Variants in ARFGEF1 observed in about 807,000 individuals in gnomAD.
The protein encoded by ARFGEF1 is brefeldin A-inhibited guanine nucleotide-exchange protein 1.
A neutral mutation model predicts 231.0 loss-of-function variants in ARFGEF1; 42 were observed. The ratio of observed to expected loss-of-function variants is 0.18; its 90% CI spans 0.14 to 0.24. The LOEUF is 0.24. Among genes scored for constraint, ARFGEF1 ranks in the 10% least tolerant of loss-of-function variants. The probability of loss-of-function intolerance (pLI) is 1.00; values close to 1 mark genes in which losing one functional copy is unlikely to be tolerated. For missense variants in ARFGEF1, 1,345 were observed against 2,192.0 expected (o/e 0.61, Z 7.72); for synonymous variants, 710 against 732.3 (o/e 0.97, Z 0.49).
chr8:67,190,514 A>G, intron 5 of ARFGEF1: 1 of 641,034 alleles, frequency 1.6e-6, no homozygotes, highest in Non-Finnish European at 2.8e-6. Context: ...AAATCACCGA[A>G]CTGTGTATGT....
At chr8:67,320,820 G>A (rs372268256) in intron 1 of ARFGEF1, among the ~76,000 whole-genome samples, 73 of 152,248 alleles carry the variant, frequency 4.8e-4, no homozygotes, top group African/African-American at 1.6e-3. Context: ...AAATTAGCCA[G>A]GCGTGGTGGC....
At chr8:67,243,173 G>A (rs113302695) in intron 19 of ARFGEF1, among the ~76,000 whole-genome samples, 175 of 152,318 alleles carry the variant, frequency 1.1e-3, no homozygotes, top group Non-Finnish European at 2.2e-3. Context: ...GAGTCTGCAA[G>A]TAACCCACCG....
chr8:67,201,107 G>A (rs896745198), intron 37 of ARFGEF1, among the ~76,000 whole-genome samples: 6 of 152,262 alleles, frequency 3.9e-5, no homozygotes, highest in South Asian at 2.1e-4. Context: ...AAAAAGTAAC[G>A]CTAAGAAAAA....
downstream of ARFGEF1, chr8:67,174,084 G>A (rs975459594): frequency 3.9e-5 from 6 of 152,082 alleles, no homozygotes; most frequent in African/African-American, 1.4e-4. Flanking sequence ...GTGTAAAAAA[G>A]ATCTTGAGAC....
At chr8:67,325,034 C>T (rs1369967479) in intron 1 of ARFGEF1, among the ~76,000 whole-genome samples, 1 of 152,048 alleles carries the variant, frequency 6.6e-6, no homozygotes, top group Non-Finnish European at 1.5e-5. Flanking sequence ...CTGCCTCAGC[C>T]TCCCGAACAG....
At chr8:67,333,789 G>T (rs961638668) in intron 1 of ARFGEF1, among the ~76,000 whole-genome samples, 10 of 152,102 alleles carry the variant, frequency 6.6e-5, no homozygotes, top group African/African-American at 2.2e-4. Context: ...CTCATCTCAC[G>T]TGATGGGTCA....
intron 34 of ARFGEF1, among the ~76,000 whole-genome samples, chr8:67,206,342 G>C (rs547471486): frequency 2.7e-5 from 4 of 150,596 alleles, no homozygotes; most frequent in African/African-American, 9.8e-5. Flanking sequence ...CCCGGGAGGC[G>C]GAGGTTGCAG....
At position 67,224,962 on chromosome 8, in the gene ARFGEF1, G is replaced by A. The variant is rs747999314; in HGVS notation, c.4149C>T (p.Phe1383=). 2.1e-5 allele frequency: 34 copies of A among 1,605,652 alleles called. No individual in the cohort carries two copies. The highest frequency in any genetic ancestry group is 1.1e-5 in the Non-Finnish European group (13 of 1,175,474). ...TACAGGATAACTCAAAGAGAATTGG[G>A]AACCATCCTCTCACCCACACCCTGT... is the stretch of plus-strand genomic sequence containing the variant. ...PEDRVWVRGW[F]PILFELSCII... The change falls in exon 29 of 39, where the codon TTC becomes TTT. Residue 1383 remains phenylalanine (F), a synonymous_variant. Transcript: ENST00000262215.
rs1839075391 is a variant in ARFGEF1, at chr8:67,219,527, T to C, written c.4242A>G (p.Thr1414=). ...AGTGTTTCTCATAAGTGTGGCCATA[T>C]GTTTTCATTATTTCAAACATTACTG... is the stretch of plus-strand genomic sequence containing the variant. The part of the protein sequence containing the change: ...GLTVMFEIMK[T]YGHTYEKHWW... The change falls in exon 30 of 39, where the codon ACA becomes ACG. Residue 1414 remains threonine, a synonymous_variant. Coordinates refer to ENST00000262215, the MANE Select transcript of ARFGEF1 (RefSeq NM_006421.5). The C allele has an allele frequency of 1.9e-6, 3 of 1,609,526 alleles. No individual in the cohort carries two copies. Among genetic ancestry groups the C allele is most frequent in the Non-Finnish European group, 1.7e-6 (2 of 1,178,092 alleles).
At chr8:67,222,597 C>T (rs145423602) in intron 29 of ARFGEF1, among the ~76,000 whole-genome samples, 7,401 of 152,038 alleles carry the variant, frequency 0.049, 268 homozygotes, top group African/African-American at 0.098. Context: ...ATTACAGGTG[C>T]GCACCACCAC....
At chr8:67,247,333 A>G (rs997579116) in intron 19 of ARFGEF1, among the ~76,000 whole-genome samples, 11 of 150,390 alleles carry the variant, frequency 7.3e-5, no homozygotes, top group African/African-American at 2.7e-4. Context: ...TTGATGCAAA[A>G]ATCCTCAACA....
chr8:67,236,363 A>ATATAT (rs1298123826), intron 22 of ARFGEF1, among the ~76,000 whole-genome samples: 1 of 37,674 alleles, frequency 2.7e-5, no homozygotes, highest in Non-Finnish European at 4.6e-5. Flanking sequence ...AAAAAAAAAA[A>ATATAT]AAATATATAT....
intron 6 of ARFGEF1, among the ~76,000 whole-genome samples, chr8:67,289,274 T>A (rs972925017): frequency 2.6e-5 from 4 of 151,942 alleles, no homozygotes; most frequent in Admixed American, 2.6e-4. Context: ...CCACTACAGC[T>A]GAGCACAGGG....
chr8:67,241,910 G>C (rs1195536052), intron 19 of ARFGEF1, among the ~76,000 whole-genome samples: 1 of 152,154 alleles, frequency 6.6e-6, no homozygotes, highest in Admixed American at 6.5e-5. Flanking sequence ...TTGGGAGAGG[G>C]ACAGTGCAGC....
downstream of ARFGEF1, chr8:67,195,324 T>C: frequency 9.5e-7 from 1 of 1,055,222 alleles, no homozygotes; most frequent in Non-Finnish European, 1.5e-6. Flanking sequence ...AGACCTGCGC[T>C]TATGTCTCCT....
chr8:67,273,184 G>A (rs981249200), intron 9 of ARFGEF1, among the ~76,000 whole-genome samples: 2 of 151,908 alleles, frequency 1.3e-5, no homozygotes, highest in African/African-American at 4.8e-5. Context: ...ATTCTGTAAT[G>A]AAAAGCTGAA....
intron 18 of ARFGEF1, among the ~76,000 whole-genome samples, chr8:67,252,364 A>G (rs993829143): frequency 6.6e-6 from 1 of 151,860 alleles, no homozygotes; most frequent in Non-Finnish European, 1.5e-5. Flanking sequence ...CTGAGTTAAC[A>G]AGAAAACAAC....
Position 67,270,209 on chromosome 8 carries a change from T to G in ARFGEF1, c.1572+1493A>C, listed in dbSNP as rs77665364. Among the ~76,000 whole-genome samples, 561 of 152,296 alleles carry G rather than the reference T, an allele frequency of 3.7e-3. 8 individuals are homozygous for G. Among genetic ancestry groups the G allele is most frequent in the African/African-American group, 0.013 (530 of 41,578 alleles). On this transcript the variant is annotated intron_variant, in intron 10 of 38. Coordinates refer to ENST00000262215, the MANE Select transcript of ARFGEF1 (RefSeq NM_006421.5). ...ACGCCTTGTATTATCTTAACAGACA[T>G]ATGGCAAACTCTTAAAACTTGACAT...
chr8:67,192,456 A>G (rs1282021248), intron 5 of ARFGEF1, among the ~76,000 whole-genome samples: 1 of 152,246 alleles, frequency 6.6e-6, no homozygotes, highest in Non-Finnish European at 1.5e-5. Context: ...CTAGTTATCA[A>G]TGTGTGATTT....
Sources: gnomAD v4.1 joint callset for allele counts (sites outside exome capture counted in the v4.1 genomes callset) on GRCh38, gnomAD v4.1.1 for gene constraint, MANE v1.5 for transcripts, NCBI Gene and HGNC (gene_info 2026-07-23, HGNC 2026-07-21) for gene names.